Variants in SAMD4A observed in about 807,000 individuals in gnomAD.
The protein encoded by SAMD4A is protein Smaug homolog 1.
A neutral mutation model predicts 81.3 loss-of-function variants in SAMD4A; 33 were observed. The observed-to-expected ratio is 0.41, with a 90% CI of 0.31 to 0.54. The LOEUF is 0.54. Among genes scored for constraint, SAMD4A ranks in the 20% least tolerant of loss-of-function variants. The pLI, the probability that SAMD4A is intolerant of heterozygous loss-of-function variation, is 0.37. For missense variants in SAMD4A, 854 were observed against 951.1 expected (o/e 0.90, Z 1.34); for synonymous variants, 389 against 382.1 (o/e 1.02, Z -0.21).
At chr14:54,580,072 C>T (rs1015731092) in intron 2 of SAMD4A, among the ~76,000 whole-genome samples, 5 of 152,232 alleles carry the variant, frequency 3.3e-5, no homozygotes, top group African/African-American at 1.2e-4. Context: ...AGAGACCTTA[C>T]ATACTGCAGC....
Position 54,760,441 on chromosome 14 carries a change from C to A in SAMD4A, c.1457C>A (p.Ala486Asp). 2.8e-6 allele frequency: 4 copies of A among 1,427,648 alleles called. No homozygotes were observed. Among genetic ancestry groups the A allele is most frequent in the Non-Finnish European group, 2.7e-6 (3 of 1,100,140 alleles). 88.4% of individuals were successfully genotyped at this position (1,427,648 alleles called of 1,614,324 possible). The stretch of plus-strand genomic sequence containing the variant: ...AGCTGCGATGGGGAGCTGGCCGTCG[C>A]CCCCCTGCCAGAGGGGGACCTCCCC... Reference protein sequence around the residue: ...LSSCDGELAVAPLPEGDLPGQ... With the variant: ...LSSCDGELAVDPLPEGDLPGQ... Residue 486 changes from alanine (A) to aspartate (D), a missense_variant, in exon 7 of 13, where the codon GCC becomes GAC. By Grantham distance (126) the Ala-to-Asp change is moderately radical (BLOSUM62 -2). Coordinates refer to ENST00000554335, the MANE Select transcript of SAMD4A (RefSeq NM_015589.6).
At chr14:54,591,681 C>A (rs1380800936) in intron 2 of SAMD4A, among the ~76,000 whole-genome samples, 1 of 152,040 alleles carries the variant, frequency 6.6e-6, no homozygotes, top group Admixed American at 6.6e-5. Context: ...AAGCTGACTA[C>A]CTCATTGTGT....
intron 6 of SAMD4A, chr14:54,754,720 C>T (rs2038194496): frequency 1.5e-5 from 7 of 461,252 alleles, no homozygotes; most frequent in African/African-American, 2.1e-5. Context: ...CCTTGCCTGC[C>T]TCCCATATTC....
chr14:54,695,710 T>G (rs886842014), intron 2 of SAMD4A, among the ~76,000 whole-genome samples: 1 of 151,874 alleles, frequency 6.6e-6, no homozygotes, highest in Non-Finnish European at 1.5e-5. Context: ...ATCCCAGCAC[T>G]TTGGGAGGCC....
intron 2 of SAMD4A, chr14:54,687,461 G>A (rs2036304508): frequency 4.8e-6 from 2 of 414,962 alleles, no homozygotes; most frequent in South Asian, 1.7e-5. Flanking sequence ...AACAAAAAAA[G>A]GCAGCCAAAA....
At chr14:54,687,473 A>G in intron 2 of SAMD4A, 2 of 414,960 alleles carry the variant, frequency 4.8e-6, no homozygotes, top group Admixed American at 3.0e-5. Context: ...CAGCCAAAAA[A>G]CAATATCTAG....
At chr14:54,700,374 A>G (rs2036683801) in intron 2 of SAMD4A, among the ~76,000 whole-genome samples, 3 of 152,226 alleles carry the variant, frequency 2.0e-5, no homozygotes, top group Non-Finnish European at 4.4e-5. Flanking sequence ...TCCAAAGCTC[A>G]TGCTCTTTCA....
At chr14:54,727,309 C>T (rs937445333) in intron 3 of SAMD4A, among the ~76,000 whole-genome samples, 1 of 150,352 alleles carries the variant, frequency 6.7e-6, no homozygotes, top group Non-Finnish European at 1.5e-5. Flanking sequence ...CCTGCCTCAG[C>T]CCCCCGAGTA....
Position 54,784,607 on chromosome 14 carries a change from A to G in SAMD4A, c.2115A>G (p.Glu705=), listed in dbSNP as rs755433745. 7 of 1,614,122 alleles carry G rather than the reference A, an allele frequency of 4.3e-6. No individual in the cohort carries two copies. The South Asian group carries it at 6.6e-5, about 15-fold the overall frequency. ...RLESLCLSMT[E]HALGDGVDRT... ...AGTCGTTGTGCCTCAGTATGACCGA[A>G]CACGCCCTGGGAGGTGAGTGTGTTC... Residue 705 remains glutamate (E), a synonymous_variant, in exon 12 of 13, where the codon GAA becomes GAG. Coordinates refer to ENST00000554335, the MANE Select transcript of SAMD4A (RefSeq NM_015589.6).
intron 2 of SAMD4A, among the ~76,000 whole-genome samples, chr14:54,668,310 C>T (rs530526218): frequency 2.6e-5 from 4 of 152,320 alleles, no homozygotes; most frequent in African/African-American, 9.6e-5. Context: ...TCTCTGATGC[C>T]TTCTAGGACT....
intron 12 of SAMD4A, among the ~76,000 whole-genome samples, chr14:54,784,856 G>A (rs2139986237): frequency 6.6e-6 from 1 of 152,316 alleles, no homozygotes; most frequent in South Asian, 2.1e-4. Context: ...GTGAGTCAGG[G>A]ACCTGGCAAT....
intron 8 of SAMD4A, among the ~76,000 whole-genome samples, chr14:54,767,487 C>G (rs1349239553): frequency 6.6e-6 from 1 of 152,240 alleles, no homozygotes; most frequent in East Asian, 1.9e-4. Flanking sequence ...GGGCACTTCC[C>G]TGTGTCTTGA....
chr14:54,776,361 C>A, intron 10 of SAMD4A, 53 bp from the exon 11 acceptor site: 2 of 1,544,192 alleles, frequency 1.3e-6, no homozygotes, highest in Non-Finnish European at 1.7e-6. Flanking sequence ...CGGCTCTGCT[C>A]TCCACCCCAG....
At chr14:54,581,893 A>G (rs943347072) in intron 2 of SAMD4A, among the ~76,000 whole-genome samples, 2 of 152,224 alleles carry the variant, frequency 1.3e-5, no homozygotes, top group African/African-American at 2.4e-5. Flanking sequence ...TTTTTGTTCT[A>G]TAATATTATT....
At chr14:54,656,321 G>A (rs151221035) in intron 2 of SAMD4A, among the ~76,000 whole-genome samples, 13 of 152,246 alleles carry the variant, frequency 8.5e-5, no homozygotes, top group Non-Finnish European at 1.6e-4. Flanking sequence ...ATGGAGAGAC[G>A]CTTTGATCTG....
intron 2 of SAMD4A, among the ~76,000 whole-genome samples, chr14:54,675,678 C>G (rs1418594216): frequency 6.6e-6 from 1 of 152,198 alleles, no homozygotes; most frequent in African/African-American, 2.4e-5. Context: ...TATCGAGTTT[C>G]ACCAGATAGG....
At chr14:54,597,649 G>T (rs1488641260) in intron 2 of SAMD4A, among the ~76,000 whole-genome samples, 1 of 147,378 alleles carries the variant, frequency 6.8e-6, no homozygotes, top group Non-Finnish European at 1.5e-5. Flanking sequence ...GAGTGCAGTG[G>T]CATGATCATG....
intron 2 of SAMD4A, among the ~76,000 whole-genome samples, chr14:54,668,441 C>T (rs1420179830): frequency 6.6e-6 from 1 of 152,180 alleles, no homozygotes; most frequent in Non-Finnish European, 1.5e-5. Context: ...TCAAGATCCC[C>T]TAAAAGGATC....
intron 2 of SAMD4A, among the ~76,000 whole-genome samples, chr14:54,684,615 C>CCCCCCG (rs2036209501): frequency 4.3e-5 from 3 of 69,240 alleles, no homozygotes; most frequent in Non-Finnish European, 8.8e-5. Flanking sequence ...CACCCCCGCC[C>CCCCCCG]CCCCCCCCAA....
Sources: gnomAD v4.1 joint callset for allele counts (sites outside exome capture counted in the v4.1 genomes callset) on GRCh38, gnomAD v4.1.1 for gene constraint, MANE v1.5 for transcripts, NCBI Gene and HGNC (gene_info 2026-07-23, HGNC 2026-07-21) for gene names.